Variants in IP6K2 observed in about 807,000 individuals in gnomAD.
IP6K2 encodes inositol hexakisphosphate kinase 2, also known as ATP:1D-myo-inositol-hexakisphosphate phosphotransferase.
IP6K2 carries 9 observed loss-of-function variants against 43.3 expected under a neutral mutation model. The observed-to-expected ratio is 0.21, with a 90% confidence interval of 0.13 to 0.36. IP6K2 has a LOEUF of 0.36. Among genes scored for constraint, IP6K2 ranks in the 10% least tolerant of loss-of-function variants. The pLI is 1.00. For missense variants in IP6K2, 332 were observed against 538.4 expected, an observed-to-expected ratio of 0.62 and a Z score of 3.79; for synonymous variants, 209 against 202.4, an observed-to-expected ratio of 1.03 and a Z score of -0.28.
intron 1 of IP6K2, among the ~76,000 whole-genome samples, chr3:48,701,618 C>T (rs922920150): frequency 1.4e-5 from 2 of 141,614 alleles, no homozygotes; most frequent in African/African-American, 5.2e-5. Flanking sequence ...AAAGATCCTG[C>T]TGGGTGCGCT....
chr3:48,694,145 G>C, intron 2 of IP6K2: 3 of 1,538,670 alleles, frequency 1.9e-6, no homozygotes, highest in Non-Finnish European at 2.6e-6. Context: ...CCGGGGTGGG[G>C]TATTCAGGCC....
intron 1 of IP6K2, among the ~76,000 whole-genome samples, chr3:48,705,820 T>A (rs757579035): frequency 7.1e-6 from 1 of 141,520 alleles, no homozygotes. Flanking sequence ...CTAGGCAACA[T>A]GGCAAAAACC....
At chr3:48,703,422 C>T (rs2079292337) in intron 1 of IP6K2, among the ~76,000 whole-genome samples, 1 of 151,990 alleles carries the variant, frequency 6.6e-6, no homozygotes, top group African/African-American at 2.4e-5. Context: ...ATAATTATCT[C>T]GGCCAGGCAC....
Position 48,689,602 on chromosome 3 carries a change from T to G in IP6K2, c.716A>C (p.Asn239Thr), listed in dbSNP as rs61754206. ...GCTCTGCTGACATTTTCGGATCTGG[T>G]TGGCTGCCTTCTCCTCTGAAGCATC... ...GDDASEEKAA[N>T]QIRKCQQSTS... is the part of the protein sequence containing the mutation. Residue 239 changes from asparagine (N) to threonine (T), a missense_variant, in exon 5 of 6, where the codon AAC becomes ACC. By Grantham distance (65) the Asn-to-Thr change is moderately conservative (BLOSUM62 0). Transcript: ENST00000328631. 2 of 1,614,184 alleles carry G rather than the reference T, an allele frequency of 1.2e-6. No individual in the cohort carries two copies. Among genetic ancestry groups the G allele is most frequent in the Non-Finnish European group, 1.7e-6 (2 of 1,180,028 alleles).
chr3:48,703,124 C>T (rs868772093), intron 1 of IP6K2, among the ~76,000 whole-genome samples: 1 of 152,202 alleles, frequency 6.6e-6, no homozygotes, highest in African/African-American at 2.4e-5. Flanking sequence ...TAAGGACCCA[C>T]GCCTGAACAT....
intron 1 of IP6K2, chr3:48,715,585 G>C (rs150609460): frequency 2.1e-6 from 2 of 974,734 alleles, no homozygotes; most frequent in African/African-American, 1.6e-5. Context: ...GATCTCCCAG[G>C]TCCCTGCCTT....
chr3:48,700,847 G>A (rs1053896470), intron 1 of IP6K2, among the ~76,000 whole-genome samples: 2 of 152,054 alleles, frequency 1.3e-5, no homozygotes, highest in Non-Finnish European at 2.9e-5. Context: ...CTATACTGAT[G>A]GTGGAAAAAC....
Position 48,688,605 on chromosome 3 carries a change from C to T in IP6K2, c.949G>A (p.Val317Met), listed in dbSNP as rs1287931849. ...VLKKLTELKA[V>M]LERQESYRFY... ...CGGTAGGACTCCTGTCGCTCCAACA[C>T]TGCCTTGAGCTCAGTCAGCTTCTTG... Residue 317 changes from valine (V) to methionine (M), a missense_variant, in exon 6 of 6, where the codon GTG (valine) becomes ATG (methionine). Val to Met is a conservative substitution (Grantham distance 21, BLOSUM62 1). Transcript: ENST00000328631. This position sits in a 1 kb window ranked among gnomAD's most constrained non-coding sequence, Gnocchi z 5.1. The T allele has an allele frequency of 1.2e-6, 2 of 1,614,252 alleles. No homozygotes were observed. Among genetic ancestry groups the T allele is most frequent in the Non-Finnish European group, 1.7e-6 (2 of 1,180,050 alleles).
chr3:48,697,213 G>T (rs1335191671), intron 1 of IP6K2, among the ~76,000 whole-genome samples: 1 of 151,700 alleles, frequency 6.6e-6, no homozygotes, highest in Non-Finnish European at 1.5e-5. Context: ...GTAGAGACGG[G>T]GTTTCACCAT....
At chr3:48,707,116 C>A (rs962612875) in intron 1 of IP6K2, among the ~76,000 whole-genome samples, 1 of 152,146 alleles carries the variant, frequency 6.6e-6, no homozygotes, top group African/African-American at 2.4e-5. Context: ...GTGGTAAGAT[C>A]ATGATTGCCC....
chr3:48,695,485 T>C lies in IP6K2; in HGVS notation c.-130-64A>G. 1 of 1,314,554 alleles carries C rather than the reference T, an allele frequency of 7.6e-7. No individual in the cohort carries two copies. Among genetic ancestry groups the C allele is most frequent in the Non-Finnish European group, 9.7e-7 (1 of 1,029,648 alleles). 81.4% of individuals were successfully genotyped at this position (1,314,554 alleles called of 1,614,324 possible). ...AGCGTGGGAAGTGCCTTAGAGCTGCTCACCCTGCTCCTTCAGCAGAAAGAC... is the reference window on the plus strand; with the variant it reads ...AGCGTGGGAAGTGCCTTAGAGCTGCCCACCCTGCTCCTTCAGCAGAAAGAC... On this transcript the variant is annotated intron_variant, in intron 1 of 5. Coordinates refer to ENST00000328631, the MANE Select transcript of IP6K2 (RefSeq NM_016291.4). The surrounding 1 kb of genome is among the most constrained non-coding windows in gnomAD (Gnocchi z 4.6).
rs1050151052 is a variant in IP6K2 at position 48,695,924 on chromosome 3, C to T, written c.-130-503G>A. On this transcript the variant is annotated intron_variant, in intron 1 of 5. Coordinates refer to ENST00000328631, the MANE Select transcript of IP6K2 (RefSeq NM_016291.4). The surrounding 1 kb of genome is among the most constrained non-coding windows in gnomAD (Gnocchi z 4.6). ...TTTTTGAGATGGAGTCTCACTCTAT[C>T]GCCAGGCGGGAGTGCAGTGGCACAA... Among the ~76,000 whole-genome samples the T allele has an allele frequency of 6.0e-5, 9 of 149,592 alleles. No individual in the cohort carries two copies. Among genetic ancestry groups the T allele is most frequent in the Admixed American group, 3.3e-4 (5 of 14,960 alleles).
rs139352576 is a variant in IP6K2, at chr3:48,693,020, A to G, written c.362T>C (p.Val121Ala). The change falls in exon 3 of 6, where the codon GTC becomes GCC. Residue 121 changes from valine to alanine, a missense_variant. Transcript: ENST00000328631. The stretch of plus-strand genomic sequence containing the variant: ...CTTAGGGGTCTTTTCTGTTTCTAAG[A>G]CATGATGTTTTTTGTTTGTTGTCCA... ...LRWTTNKKHH[V>A]LETEKTPKDW... 1 of 1,614,216 alleles carries G rather than the reference A, an allele frequency of 6.2e-7. No homozygotes were observed. Among genetic ancestry groups the G allele is most frequent in the East Asian group, 2.2e-5 (1 of 44,888 alleles).
Position 48,705,502 on chromosome 3 carries a change from G to A in IP6K2, c.-130-10081C>T, listed in dbSNP as rs536467017. Among the ~76,000 whole-genome samples the A allele has an allele frequency of 8.5e-5, 13 of 152,060 alleles. 1 individual carries two copies. The South Asian group carries it at 2.5e-3, about 29-fold the overall frequency. ...GACCAGACTGGGCAAGCTGCACAGT[G>A]ACAGCCAGTCTCTAAATAATTTTTT... On this transcript the variant is annotated intron_variant, in intron 1 of 5. Coordinates refer to ENST00000328631, the MANE Select transcript of IP6K2 (RefSeq NM_016291.4).
At chr3:48,703,602 A>G (rs894508178) in intron 1 of IP6K2, among the ~76,000 whole-genome samples, 10 of 151,606 alleles carry the variant, frequency 6.6e-5, no homozygotes, top group Non-Finnish European at 1.5e-4. Flanking sequence ...CTATAGTCCC[A>G]GCAACTCAGG....
At position 48,693,023 on chromosome 3, in the gene IP6K2, T is replaced by C; in HGVS notation, c.359A>G (p.His120Arg). The C allele has an allele frequency of 6.2e-7, 1 of 1,614,208 alleles. No homozygotes were observed. ...AGGGGTCTTTTCTGTTTCTAAGACA[T>C]GATGTTTTTTGTTTGTTGTCCACCT... ...LLRWTTNKKH[H>R]VLETEKTPKD... Residue 120 changes from histidine (H) to arginine (R), a missense_variant, in exon 3 of 6, where the codon CAT (histidine) becomes CGT (arginine). His to Arg is a conservative substitution (Grantham distance 29, BLOSUM62 0). Transcript: ENST00000328631.
chr3:48,693,142 C>T lies in IP6K2; in HGVS notation c.240G>A (p.Arg80=). ...VSVRFEEDED[R]NLCLIAYPLK... ...ATGGATATGCTATTAGACACAAGTT[C>T]CTGTCTTCATCTTCTTCAAAGCGCA... Residue 80 remains arginine, a synonymous_variant, in exon 3 of 6, where the codon AGG becomes AGA. Transcript: ENST00000328631. The T allele has an allele frequency of 6.2e-7, 1 of 1,614,208 alleles. No individual in the cohort carries two copies.
chr3:48,700,960 A>T (rs1028628349), intron 1 of IP6K2, among the ~76,000 whole-genome samples: 1 of 152,230 alleles, frequency 6.6e-6, no homozygotes. Context: ...AATGCCTCAT[A>T]CATTGCTGGT....
chr3:48,709,257 G>C (rs938099895), intron 1 of IP6K2, among the ~76,000 whole-genome samples: 2 of 152,216 alleles, frequency 1.3e-5, no homozygotes, highest in East Asian at 1.9e-4. Flanking sequence ...AGGGCATCCC[G>C]GACCTGCCCA....
Sources: gnomAD v4.1 joint callset for allele counts (sites outside exome capture counted in the v4.1 genomes callset) on GRCh38, gnomAD v4.1.1 for gene constraint, Gnocchi (gnomAD v3.1) non-coding constraint, MANE v1.5 for transcripts, NCBI Gene and HGNC (gene_info 2026-07-23, HGNC 2026-07-21) for gene names.